Variants in EYS observed in about 807,000 individuals in gnomAD.
EYS encodes the protein EGF-like photoreceptor maintenance factor, also known as protein eyes shut homolog.
In EYS, 250 loss-of-function variants were observed where a neutral mutation model predicts 282.1. That is an observed-to-expected ratio of 0.89 (90% CI 0.80 to 0.98). EYS has a LOEUF of 0.98. Ranked by LOEUF, EYS falls within the 50% of genes least tolerant of loss-of-function variation. The probability of loss-of-function intolerance (pLI) is 0.00; values close to 1 mark genes in which losing one functional copy is unlikely to be tolerated. For synonymous variants in EYS, 1,355 were observed against 1,282.9 expected (o/e 1.06, Z -1.20); for missense variants, 4,016 against 3,709.0 (o/e 1.08, Z -2.15).
intron 29 of EYS, among the ~76,000 whole-genome samples, chr6:64,363,514 C>A (rs1188657778): frequency 6.6e-6 from 1 of 151,868 alleles, no homozygotes; most frequent in South Asian, 2.1e-4. Context: ...ATATTTCTGA[C>A]ATTAGTTTAA....
intron 22 of EYS, among the ~76,000 whole-genome samples, chr6:64,759,415 A>G (rs1773087976): frequency 1.3e-5 from 2 of 152,224 alleles, no homozygotes; most frequent in South Asian, 4.1e-4. Flanking sequence ...ACATAATTTT[A>G]CTTGAAAGTA....
rs554805497 is a variant in EYS, at chr6:65,133,725, T to A, written c.2024-75998A>T. Among the ~76,000 whole-genome samples the A allele has an allele frequency of 3.3e-5, 5 of 152,028 alleles. No homozygotes were observed. The South Asian group carries it at 1.0e-3, about 32-fold the overall frequency. On this transcript the variant is annotated intron_variant, in intron 12 of 42. Transcript: ENST00000503581. The stretch of plus-strand genomic sequence containing the variant: ...ACAGAAACAGGCAAACCTTTCAAGA[T>A]GAAGACCCAAAAGCAATTGCAACAA...
chr6:64,530,617 A>G (rs1184077270), intron 26 of EYS, among the ~76,000 whole-genome samples: 1 of 152,084 alleles, frequency 6.6e-6, no homozygotes, highest in East Asian at 1.9e-4. Context: ...GCATCACTTG[A>G]TATAAAAATA....
chr6:64,823,581 T>A (rs1479093969), intron 19 of EYS, among the ~76,000 whole-genome samples: 1 of 152,008 alleles, frequency 6.6e-6, no homozygotes, highest in Admixed American at 6.6e-5. Flanking sequence ...AAGCATCTAC[T>A]AATAAAAACT....
At chr6:64,953,992 A>T (rs2150101405) in intron 14 of EYS, among the ~76,000 whole-genome samples, 1 of 105,280 alleles carries the variant, frequency 9.5e-6, no homozygotes, top group East Asian at 2.6e-4. Flanking sequence ...CCATGTGATT[A>T]TACTTTTCAT....
chr6:64,949,293 C>T lies in EYS; in HGVS notation c.2260-3379G>A, dbSNP rs1354515989. Among the ~76,000 whole-genome samples, 5 of 152,008 alleles carry T rather than the reference C, an allele frequency of 3.3e-5. No individual in the cohort carries two copies. In the South Asian group the frequency reaches 1.0e-3, roughly 31 times the overall value. On this transcript the variant is annotated intron_variant, in intron 14 of 42. Coordinates refer to ENST00000503581, the MANE Select transcript of EYS (RefSeq NM_001142800.2). ...CACCATGCTGAAATCAAGGTATTGA[C>T]TGGGATGTGATCTCACCTAGGAAAT...
chr6:65,573,326 A>G lies in EYS; in HGVS notation c.-333+66452T>C, dbSNP rs540330230. On this transcript the variant is annotated intron_variant, in intron 2 of 42. Coordinates refer to ENST00000503581, the MANE Select transcript of EYS (RefSeq NM_001142800.2). The stretch of plus-strand genomic sequence containing the variant: ...TCAGTACAAGCAAAGAAGAAATGTA[A>G]AAGCTACTGGTATCAGCTACATGGT... 3.9e-5 allele frequency among the ~76,000 whole-genome samples: 6 copies of G among 152,290 alleles called. No homozygotes were observed. The East Asian group carries it at 9.7e-4, about 25-fold the overall frequency.
intron 15 of EYS, among the ~76,000 whole-genome samples, chr6:64,924,133 T>C (rs1011460471): frequency 4.6e-5 from 7 of 152,214 alleles, no homozygotes; most frequent in Non-Finnish European, 8.8e-5. Flanking sequence ...GGCGATTCCA[T>C]ACATCTTCTG....
intron 18 of EYS, among the ~76,000 whole-genome samples, chr6:64,890,660 C>T (rs142815354): frequency 6.6e-6 from 1 of 152,038 alleles, no homozygotes; most frequent in Admixed American, 6.6e-5. Context: ...TTTGTTTGCT[C>T]TTTAACATTT....
intron 32 of EYS, among the ~76,000 whole-genome samples, chr6:64,078,429 C>A (rs142330602): frequency 1.8e-4 from 28 of 152,060 alleles, no homozygotes; most frequent in African/African-American, 6.3e-4. Context: ...AACTGAATTA[C>A]AAAAATCTTT....
At position 64,950,827 on chromosome 6, in the gene EYS, AT is replaced by A. The variant is rs1562272761; in HGVS notation, c.2260-4914del. ...TATATATATATATATATATATATAT[AT>A]ATATATTGTTGAATTGTTACAAGAA... On this transcript the variant is annotated intron_variant, in intron 14 of 42. Coordinates refer to ENST00000503581, the MANE Select transcript of EYS (RefSeq NM_001142800.2). Among the ~76,000 whole-genome samples the A allele has an allele frequency of 4.3e-4, 51 of 118,400 alleles. 3 individuals are homozygous for A. Among genetic ancestry groups the A allele is most frequent in the Non-Finnish European group, 7.5e-4 (43 of 57,160 alleles). 77.7% of individuals were successfully genotyped at this position (118,400 alleles called of 152,430 possible).
At position 65,055,489 on chromosome 6, in the gene EYS, T is replaced by C. The variant is rs145255115; in HGVS notation, c.2137+2125A>G. 5.0e-3 allele frequency among the ~76,000 whole-genome samples: 754 copies of C among 152,230 alleles called. 5 individuals carry two copies. The highest frequency in any genetic ancestry group is 0.017 in the African/African-American group (723 of 41,550). The stretch of plus-strand genomic sequence containing the variant: ...ACAAATGAACCAATATTGATGTTAT[T>C]AACTAATGTCTGTACTTTATTTGTA... On this transcript the variant is annotated intron_variant, in intron 13 of 42. Coordinates refer to ENST00000503581, the MANE Select transcript of EYS (RefSeq NM_001142800.2).
intron 26 of EYS, among the ~76,000 whole-genome samples, chr6:64,550,878 A>C (rs1765053833): frequency 1.3e-5 from 2 of 152,164 alleles, no homozygotes; most frequent in African/African-American, 4.8e-5. Flanking sequence ...CAAAGAGAAT[A>C]AAATACCTAG....
chr6:64,537,294 G>T (rs964494641), intron 26 of EYS, among the ~76,000 whole-genome samples: 91 of 150,330 alleles, frequency 6.1e-4, no homozygotes, highest in Non-Finnish European at 1.2e-3. Flanking sequence ...TACTGAGAAT[G>T]ATGATTTCCA....
intron 29 of EYS, among the ~76,000 whole-genome samples, chr6:64,370,417 G>A (rs1772324534): frequency 6.6e-6 from 1 of 152,020 alleles, no homozygotes; most frequent in African/African-American, 2.4e-5. Flanking sequence ...GCTGAATTTG[G>A]TTTGCTAGTG....
At chr6:65,443,070 T>A (rs1214587128) in intron 5 of EYS, among the ~76,000 whole-genome samples, 1 of 151,716 alleles carries the variant, frequency 6.6e-6, no homozygotes, top group African/African-American at 2.4e-5. Flanking sequence ...ATATGTGATA[T>A]GTATGTGTCT....
At chr6:65,273,737 T>G (rs577942531) in intron 12 of EYS, among the ~76,000 whole-genome samples, 2 of 152,222 alleles carry the variant, frequency 1.3e-5, no homozygotes, top group South Asian at 4.1e-4. Context: ...TTACGTGACA[T>G]ATCACCGTAT....
chr6:64,771,118 T>C (rs1264826531), intron 22 of EYS, among the ~76,000 whole-genome samples: 4 of 151,708 alleles, frequency 2.6e-5, no homozygotes, highest in Non-Finnish European at 5.9e-5. Context: ...CTTTAACAAC[T>C]ATTCAAATTC....
intron 12 of EYS, among the ~76,000 whole-genome samples, chr6:65,076,361 A>T (rs2150168878): frequency 6.6e-6 from 1 of 152,132 alleles, no homozygotes; most frequent in Non-Finnish European, 1.5e-5. Flanking sequence ...TGACATGGCA[A>T]AATAATCAGA....
Sources: gnomAD v4.1 joint callset for allele counts (sites outside exome capture counted in the v4.1 genomes callset) on GRCh38, gnomAD v4.1.1 for gene constraint, MANE v1.5 for transcripts, NCBI Gene and HGNC (gene_info 2026-07-23, HGNC 2026-07-21) for gene names.